DPP10: variants seen among roughly 807,000 people sequenced by gnomAD.
The protein encoded by DPP10 is inactive dipeptidyl peptidase 10.
A neutral mutation model predicts 120.9 loss-of-function variants in DPP10; 33 were observed. That is an observed-to-expected ratio of 0.27 (90% CI 0.21 to 0.37). The LOEUF is 0.37. Among genes scored for constraint, DPP10 ranks in the 10% least tolerant of loss-of-function variants. DPP10 has a pLI of 1.00. For synonymous variants in DPP10, 337 were observed against 326.1 expected (o/e 1.03, Z -0.36); for missense variants, 816 against 942.8 (o/e 0.87, Z 1.76).
At chr2:114,581,173 CTTTTTTTTTT>C (rs70937291) in intron 1 of DPP10, among the ~76,000 whole-genome samples, 11 of 77,890 alleles carry the variant, frequency 1.4e-4, no homozygotes, top group African/African-American at 2.1e-4. Context: ...TTTTTCTTCT[CTTTTTTTTTT>C]TTTTTTTTTT....
chr2:114,528,391 A>T (rs889484781), intron 1 of DPP10, among the ~76,000 whole-genome samples: 1 of 152,134 alleles, frequency 6.6e-6, no homozygotes, highest in African/African-American at 2.4e-5. Flanking sequence ...GAGAGTGAAC[A>T]CTGTTACTGC....
chr2:115,053,465 G>A (rs1316916627), intron 1 of DPP10, among the ~76,000 whole-genome samples: 1 of 152,204 alleles, frequency 6.6e-6, no homozygotes, highest in Non-Finnish European at 1.5e-5. Flanking sequence ...AGTGGCAGGA[G>A]CTGAGAGGAA....
chr2:115,781,676 C>A (rs1399974105), intron 16 of DPP10, among the ~76,000 whole-genome samples: 1 of 151,692 alleles, frequency 6.6e-6, no homozygotes, highest in African/African-American at 2.4e-5. Context: ...GAGAGATATA[C>A]CAAGACTTAC....
At chr2:114,766,902 C>T (rs1259561270) in intron 1 of DPP10, among the ~76,000 whole-genome samples, 1 of 151,554 alleles carries the variant, frequency 6.6e-6, no homozygotes, top group Non-Finnish European at 1.5e-5. Flanking sequence ...GCACCACAGA[C>T]ACACACACAC....
At chr2:114,484,208 C>T (rs566483935) in intron 1 of DPP10, among the ~76,000 whole-genome samples, 6 of 152,168 alleles carry the variant, frequency 3.9e-5, no homozygotes, top group Admixed American at 2.0e-4. Flanking sequence ...GAGGTATCTC[C>T]GACAACTCTG....
chr2:114,917,640 C>G (rs1186848872), intron 1 of DPP10, among the ~76,000 whole-genome samples: 1 of 151,944 alleles, frequency 6.6e-6, no homozygotes, highest in Non-Finnish European at 1.5e-5. Flanking sequence ...TCAGAGAACC[C>G]TAAATAAATC....
At chr2:115,596,327 T>C (rs2082984872) in intron 5 of DPP10, among the ~76,000 whole-genome samples, 2 of 152,208 alleles carry the variant, frequency 1.3e-5, no homozygotes, top group African/African-American at 4.8e-5. Flanking sequence ...TTACCAAAGA[T>C]TAGTCACATG....
chr2:114,672,302 G>A (rs890036016), intron 1 of DPP10, among the ~76,000 whole-genome samples: 1 of 152,070 alleles, frequency 6.6e-6, no homozygotes, highest in Non-Finnish European at 1.5e-5. Flanking sequence ...AAGAAAACAG[G>A]GTTAATGGAA....
At chr2:114,988,313 C>T (rs1275626518) in intron 1 of DPP10, among the ~76,000 whole-genome samples, 1 of 152,228 alleles carries the variant, frequency 6.6e-6, no homozygotes, top group Non-Finnish European at 1.5e-5. Flanking sequence ...CGAAGGTCCA[C>T]ACCTATGTGG....
intron 1 of DPP10, among the ~76,000 whole-genome samples, chr2:114,483,103 T>G (rs1430097): frequency 0.54 from 82,339 of 152,092 alleles, 24,776 homozygotes; most frequent in East Asian, 0.71. Flanking sequence ...GAATAAATGA[T>G]GTAAATGATA....
intron 1 of DPP10, among the ~76,000 whole-genome samples, chr2:115,120,470 A>G (rs1029961741): frequency 6.6e-6 from 1 of 152,150 alleles, no homozygotes; most frequent in Non-Finnish European, 1.5e-5. Context: ...GGAGCCTTCT[A>G]TATTTGTGGA....
chr2:114,571,987 T>C (rs1558893283), intron 1 of DPP10, among the ~76,000 whole-genome samples: 2 of 149,238 alleles, frequency 1.3e-5, no homozygotes, highest in Admixed American at 1.3e-4. Context: ...ATATGTAGTA[T>C]ATAATACAAT....
intron 1 of DPP10, among the ~76,000 whole-genome samples, chr2:115,195,546 T>C (rs546286109): frequency 6.6e-6 from 1 of 152,364 alleles, no homozygotes; most frequent in Admixed American, 6.5e-5. Flanking sequence ...TTTATGTGAT[T>C]GTTCTAACAC....
At chr2:115,195,894 A>T (rs2055227138) in intron 1 of DPP10, among the ~76,000 whole-genome samples, 1 of 152,174 alleles carries the variant, frequency 6.6e-6, no homozygotes, top group South Asian at 2.1e-4. Flanking sequence ...CATACACAGC[A>T]TATCTTTTGT....
chr2:115,526,052 C>G, intron 5 of DPP10, 80 bp downstream of exon 5: 1 of 1,155,096 alleles, frequency 8.7e-7, no homozygotes, highest in Non-Finnish European at 1.2e-6. Context: ...TCAGCTATAA[C>G]TCACCTAAGC....
chr2:115,782,696 A>G (rs1201973955), intron 17 of DPP10, among the ~76,000 whole-genome samples: 1 of 152,080 alleles, frequency 6.6e-6, no homozygotes, highest in Non-Finnish European at 1.5e-5. Context: ...CTGGCCTCTT[A>G]ATGTTCTGGT....
intron 1 of DPP10, among the ~76,000 whole-genome samples, chr2:114,558,985 C>T (rs1033082890): frequency 3.9e-5 from 6 of 152,238 alleles, no homozygotes; most frequent in South Asian, 2.1e-4. Flanking sequence ...TCTCCATGTC[C>T]GAGTACATCC....
At chr2:115,497,412 A>G (rs1017018359) in intron 3 of DPP10, among the ~76,000 whole-genome samples, 3 of 152,038 alleles carry the variant, frequency 2.0e-5, no homozygotes, top group Admixed American at 2.0e-4. Flanking sequence ...GCCATGTTAG[A>G]TTTCTTTCAT....
chr2:115,416,603 G>C (rs1167416289), intron 3 of DPP10, among the ~76,000 whole-genome samples: 1 of 152,096 alleles, frequency 6.6e-6, no homozygotes, highest in East Asian at 1.9e-4. Flanking sequence ...AGCTTATACT[G>C]AAGAGGAGGA....
Sources: allele counts gnomAD v4.1 joint callset (sites outside exome capture counted in the v4.1 genomes callset), GRCh38; gene constraint gnomAD v4.1.1; transcripts MANE v1.5; gene names NCBI Gene and HGNC (gene_info 2026-07-23, HGNC 2026-07-21).